The following STK3 variants were observed in gnomAD, a reference collection of about 807,000 sequenced individuals.
The protein encoded by STK3 is serine/threonine-protein kinase 3.
In STK3, 41 loss-of-function variants were observed where a neutral mutation model predicts 58.0. The ratio of observed to expected loss-of-function variants is 0.71; its 90% CI spans 0.55 to 0.92. STK3 has a LOEUF of 0.92. STK3 is among the 40% of genes least tolerant of loss of function. STK3 has a pLI of 0.00. For synonymous variants in STK3, 170 were observed against 191.0 expected (o/e 0.89, Z 0.91); for missense variants, 479 against 602.7 (o/e 0.79, Z 2.15).
chr8:98,677,600 G>A (rs1823322821), intron 6 of STK3, among the ~76,000 whole-genome samples: 1 of 152,066 alleles, frequency 6.6e-6, no homozygotes, highest in Non-Finnish European at 1.5e-5. Context: ...TGGAGACAGA[G>A]AAGAGGACAA....
intron 1 of STK3, among the ~76,000 whole-genome samples, chr8:98,791,618 T>C (rs1304791413): frequency 2.0e-5 from 3 of 152,072 alleles, no homozygotes; most frequent in Admixed American, 2.0e-4. Flanking sequence ...GGTATAAAAA[T>C]AGGCACATGG....
intron 6 of STK3, chr8:98,602,063 A>ACC (rs1170074665): frequency 6.6e-6 from 1 of 152,228 alleles, no homozygotes; most frequent in African/African-American, 2.4e-5. Context: ...AATATAAAAT[A>ACC]CAAGACAAGT....
At chr8:98,937,652 C>T (rs562350889) in intron 1 of STK3, among the ~76,000 whole-genome samples, 1 of 152,348 alleles carries the variant, frequency 6.6e-6, no homozygotes, top group South Asian at 2.1e-4. Context: ...ATAGTAGACA[C>T]TCAAGAAAAC....
At chr8:98,769,753 T>C (rs952017329) in intron 2 of STK3, among the ~76,000 whole-genome samples, 2 of 152,204 alleles carry the variant, frequency 1.3e-5, no homozygotes, top group Non-Finnish European at 2.9e-5. Context: ...ATACAATGTA[T>C]GGTGAAAATA....
chr8:98,526,009 T>C (rs545667783), intron 10 of STK3, among the ~76,000 whole-genome samples: 49 of 151,986 alleles, frequency 3.2e-4, no homozygotes, highest in Non-Finnish European at 5.9e-4. Flanking sequence ...TCCAGAACAA[T>C]ATGCAAAAGT....
chr8:98,517,433 T>C (rs566285527), intron 10 of STK3, among the ~76,000 whole-genome samples: 1 of 152,144 alleles, frequency 6.6e-6, no homozygotes, highest in South Asian at 2.1e-4. Flanking sequence ...GGAAAAGGTG[T>C]CAGCATTAAT....
intron 1 of STK3, among the ~76,000 whole-genome samples, chr8:98,387,091 A>T (rs1175781089): frequency 2.0e-5 from 3 of 152,222 alleles, no homozygotes; most frequent in Admixed American, 2.0e-4. Flanking sequence ...TTGGTGACTT[A>T]CTTACATAGG....
At chr8:98,710,492 A>T (rs552508425) in intron 4 of STK3, among the ~76,000 whole-genome samples, 1 of 152,234 alleles carries the variant, frequency 6.6e-6, no homozygotes, top group Non-Finnish European at 1.5e-5. Context: ...CCAGGAGATT[A>T]TATCCCGCGC....
intron 10 of STK3, among the ~76,000 whole-genome samples, chr8:98,471,871 C>T (rs1156909975): frequency 2.6e-5 from 4 of 152,128 alleles, no homozygotes; most frequent in Admixed American, 6.6e-5. Flanking sequence ...TGTTTAAAAT[C>T]CCATGGGTGT....
At chr8:98,741,338 G>C (rs1041088957) in intron 4 of STK3, among the ~76,000 whole-genome samples, 48 of 152,112 alleles carry the variant, frequency 3.2e-4, no homozygotes, top group African/African-American at 1.1e-3. Context: ...TGACCACATA[G>C]TTGGAAGTAA....
chr8:98,924,118 G>A (rs1047947447), intron 1 of STK3, among the ~76,000 whole-genome samples: 2 of 152,174 alleles, frequency 1.3e-5, no homozygotes, highest in African/African-American at 2.4e-5. Flanking sequence ...GAAGCATGAA[G>A]ACAAAGATTC....
At chr8:98,368,893 G>A (rs1817587483), downstream of STK3, among the ~76,000 whole-genome samples, 1 of 152,104 alleles carries the variant, frequency 6.6e-6, no homozygotes, top group Non-Finnish European at 1.5e-5. Flanking sequence ...GGCCTCAAGG[G>A]CACTGGCATA....
chr8:98,494,333 C>T (rs984302262), intron 10 of STK3, among the ~76,000 whole-genome samples: 4 of 152,190 alleles, frequency 2.6e-5, no homozygotes, highest in Non-Finnish European at 5.9e-5. Flanking sequence ...TGTTTAAATG[C>T]TAACTTCTCT....
At chr8:98,907,961 A>T (rs558118119) in intron 1 of STK3, among the ~76,000 whole-genome samples, 1 of 152,236 alleles carries the variant, frequency 6.6e-6, no homozygotes, top group East Asian at 1.9e-4. Flanking sequence ...TGCTGACTGC[A>T]TTCCTGTGGT....
rs141279571 is a variant in STK3, at chr8:98,799,048, T to A, written c.27-24229A>T. 2.6e-5 allele frequency among the ~76,000 whole-genome samples: 4 copies of A among 152,216 alleles called. No homozygotes were observed. In the East Asian group the frequency reaches 7.7e-4, roughly 29 times the overall value. On this transcript the variant is annotated intron_variant, in intron 1 of 10. Coordinates refer to ENST00000419617, the MANE Select transcript of STK3 (RefSeq NM_006281.4). ...ACTTCCCAGTCTTTAGAACCATGAG[T>A]AAATAAATTTCTCTTCTTTATAAAT...
chr8:98,654,916 A>T (rs186742858), intron 6 of STK3, among the ~76,000 whole-genome samples: 1 of 152,062 alleles, frequency 6.6e-6, no homozygotes, highest in African/African-American at 2.4e-5. Context: ...TGCCCAAGGT[A>T]GTTTATAGAT....
At chr8:98,852,747 A>G (rs892895926) in intron 3 of STK3, among the ~76,000 whole-genome samples, 4 of 152,198 alleles carry the variant, frequency 2.6e-5, no homozygotes, top group African/African-American at 7.2e-5. Flanking sequence ...CATGTTATCC[A>G]CAGAATCTTA....
At chr8:98,468,076 C>T (rs1278489971) in intron 10 of STK3, among the ~76,000 whole-genome samples, 1 of 152,094 alleles carries the variant, frequency 6.6e-6, no homozygotes, top group African/African-American at 2.4e-5. Flanking sequence ...TAGAAATAAA[C>T]AAGAGTCTCA....
Position 98,920,103 on chromosome 8 carries a change from G to A in STK3, c.-79+22275C>T, listed in dbSNP as rs573501971. The stretch of plus-strand genomic sequence containing the variant: ...CTTCCTAAGAGGAGGGCAACTAGAA[G>A]GTTACAACGTGGTTTAAATGTGTCC... On this transcript the variant is annotated intron_variant, in intron 1 of 1. Transcript: ENST00000519420. Among the ~76,000 whole-genome samples the A allele has an allele frequency of 2.0e-5, 3 of 152,344 alleles. No homozygotes were observed. In the East Asian group the frequency reaches 5.8e-4, roughly 29 times the overall value.
Sources: allele counts gnomAD v4.1 joint callset (sites outside exome capture counted in the v4.1 genomes callset), GRCh38; gene constraint gnomAD v4.1.1; transcripts MANE v1.5; gene names NCBI Gene and HGNC (gene_info 2026-07-23, HGNC 2026-07-21).